GALNT2: variants seen among roughly 807,000 people sequenced by gnomAD.
The protein encoded by GALNT2 is UDP-GalNAc:polypeptide N-acetylgalactosaminyltransferase 2.
Under a neutral mutation model 81.4 loss-of-function variants are expected in GALNT2, and 31 were observed. The ratio of observed to expected loss-of-function variants is 0.38; its 90% CI spans 0.29 to 0.51. The LOEUF (loss-of-function observed/expected upper bound fraction) is 0.51. GALNT2 is among the 20% of genes least tolerant of loss of function. The pLI is 0.87. For missense variants in GALNT2, 629 were observed against 765.7 expected (o/e 0.82, Z 2.11); for synonymous variants, 303 against 287.4 (o/e 1.05, Z -0.55).
intron 2 of GALNT2, among the ~76,000 whole-genome samples, chr1:230,202,825 C>A (rs906882445): frequency 3.3e-5 from 5 of 152,202 alleles, no homozygotes; most frequent in African/African-American, 1.2e-4. Context: ...CTGAGAACAT[C>A]TCCTTTTATA....
chr1:230,195,224 G>C (rs564608963), intron 2 of GALNT2, among the ~76,000 whole-genome samples: 1 of 152,204 alleles, frequency 6.6e-6, no homozygotes, highest in African/African-American at 2.4e-5. Context: ...CTGAGGTGCC[G>C]GCAGAGCAGG....
At chr1:230,061,483 G>A (rs143689359) in intron 1 of GALNT2, among the ~76,000 whole-genome samples, 218 of 152,168 alleles carry the variant, frequency 1.4e-3, no homozygotes, top group African/African-American at 5.1e-3. Context: ...CACATAGCTG[G>A]CATACTTTGT....
At chr1:230,226,497 G>T (rs986814951) in intron 3 of GALNT2, among the ~76,000 whole-genome samples, 2 of 152,214 alleles carry the variant, frequency 1.3e-5, no homozygotes, top group African/African-American at 4.8e-5. Context: ...GCCCCCACAG[G>T]CTCTCTCGGC....
At chr1:230,141,558 AC>A (rs1661733628) in intron 1 of GALNT2, among the ~76,000 whole-genome samples, 1 of 151,942 alleles carries the variant, frequency 6.6e-6, no homozygotes, top group South Asian at 2.1e-4. Flanking sequence ...TCCTTTTGTG[AC>A]TGGCTTATTT....
At chr1:230,211,343 T>A (rs950870516) in intron 3 of GALNT2, among the ~76,000 whole-genome samples, 5 of 152,224 alleles carry the variant, frequency 3.3e-5, no homozygotes, top group African/African-American at 1.2e-4. Context: ...TAGGCTTAGC[T>A]GTTCTGGCTT....
At position 230,280,784 on chromosome 1, in the gene GALNT2, C is replaced by G. The variant is rs1011799775; in HGVS notation, c.*1326C>G. The G allele has an allele frequency of 6.6e-6, 1 of 152,308 alleles. No individual in the cohort carries two copies. The highest frequency in any genetic ancestry group is 1.5e-5 in the Non-Finnish European group (1 of 68,128). The allele number at this position is 152,308 out of a possible 1,614,324, so 9.4% of individuals were successfully genotyped here. A position where few individuals can be genotyped will look rare whatever the true frequency, so the allele number is the denominator to read the frequency against. ...GGGAAAGAATTAGGAAGGGTCAGAA[C>G]CAAACAATACCTGCTCATTTACACT... is the stretch of plus-strand genomic sequence containing the variant. On this transcript the variant is annotated 3_prime_UTR_variant, in exon 16 of 16. Coordinates refer to ENST00000366672, the MANE Select transcript of GALNT2 (RefSeq NM_004481.5).
chr1:230,120,756 A>G (rs555772011), intron 1 of GALNT2, among the ~76,000 whole-genome samples: 6 of 152,178 alleles, frequency 3.9e-5, no homozygotes, highest in African/African-American at 1.4e-4. Flanking sequence ...CGCACACACT[A>G]AATGCCCTGC....
At chr1:230,149,356 G>T (rs937912915) in intron 1 of GALNT2, among the ~76,000 whole-genome samples, 1 of 152,132 alleles carries the variant, frequency 6.6e-6, no homozygotes, top group Non-Finnish European at 1.5e-5. Flanking sequence ...ATCCCTGGAG[G>T]GTGGGTGATG....
chr1:230,062,935 AC>A (rs1437475959), upstream of GALNT2, among the ~76,000 whole-genome samples: 1 of 152,338 alleles, frequency 6.6e-6, no homozygotes, highest in South Asian at 2.1e-4. Context: ...GAACCACTAT[AC>A]CATTTTCAAC....
At chr1:230,232,806 C>T (rs900436451) in intron 3 of GALNT2, among the ~76,000 whole-genome samples, 3 of 152,158 alleles carry the variant, frequency 2.0e-5, no homozygotes, top group Non-Finnish European at 2.9e-5. Context: ...AAAAACCAGC[C>T]TGTCAGTCTA....
chr1:230,174,844 T>C (rs1323483362), intron 1 of GALNT2, among the ~76,000 whole-genome samples: 1 of 152,224 alleles, frequency 6.6e-6, no homozygotes, highest in Admixed American at 6.5e-5. Context: ...ATCTTTCCCT[T>C]GTTCCATCTG....
At chr1:230,177,335 C>T (rs140276894) in intron 1 of GALNT2, among the ~76,000 whole-genome samples, 23 of 152,356 alleles carry the variant, frequency 1.5e-4, no homozygotes, top group Admixed American at 1.3e-3. Context: ...ATTACTGTTG[C>T]GTATCCGCCT....
upstream of GALNT2, among the ~76,000 whole-genome samples, chr1:230,067,039 ACCCCCCTC>A (rs1659206034): frequency 1.4e-5 from 2 of 145,134 alleles, no homozygotes; most frequent in Non-Finnish European, 3.0e-5. Flanking sequence ...TTGCTCCCTG[ACCCCCCTC>A]GCCGCCTCCG....
intron 1 of GALNT2, among the ~76,000 whole-genome samples, chr1:230,158,068 G>T (rs983991236): frequency 6.6e-6 from 1 of 152,222 alleles, no homozygotes; most frequent in Non-Finnish European, 1.5e-5. Flanking sequence ...TCATGGAACA[G>T]GCCAGAACTG....
intron 1 of GALNT2, among the ~76,000 whole-genome samples, chr1:230,130,742 G>A (rs959572084): frequency 5.3e-5 from 8 of 152,200 alleles, no homozygotes; most frequent in Non-Finnish European, 1.2e-4. Context: ...TGGAAGTCTC[G>A]GCGACAGCTC....
At chr1:230,113,187 A>T (rs1379154590) in intron 1 of GALNT2, among the ~76,000 whole-genome samples, 1 of 152,118 alleles carries the variant, frequency 6.6e-6, no homozygotes, top group African/African-American at 2.4e-5. Context: ...CTGTGCTCTG[A>T]ACAGCTCTGT....
chr1:230,187,647 C>T (rs559745357), intron 2 of GALNT2, among the ~76,000 whole-genome samples: 1 of 152,316 alleles, frequency 6.6e-6, no homozygotes, highest in Non-Finnish European at 1.5e-5. Context: ...TACCTGAATT[C>T]TCGTCCGGTG....
intron 1 of GALNT2, among the ~76,000 whole-genome samples, chr1:230,087,156 G>A (rs1659924433): frequency 6.6e-6 from 1 of 152,148 alleles, no homozygotes; most frequent in South Asian, 2.1e-4. Flanking sequence ...TATGCAGCGG[G>A]CTCTAAGCCA....
chr1:230,242,611 T>C (rs551966283), intron 6 of GALNT2, among the ~76,000 whole-genome samples: 48 of 152,178 alleles, frequency 3.2e-4, no homozygotes, highest in African/African-American at 1.2e-3. Context: ...CATGGCTCAC[T>C]TCCCAGGCTC....
Sources: allele counts gnomAD v4.1 joint callset (sites outside exome capture counted in the v4.1 genomes callset), GRCh38; gene constraint gnomAD v4.1.1; transcripts MANE v1.5; gene names NCBI Gene and HGNC (gene_info 2026-07-23, HGNC 2026-07-21).